Variants in CTNNA3 observed in about 807,000 individuals in gnomAD.
CTNNA3 encodes the protein catenin alpha-3.
A neutral mutation model predicts 95.7 loss-of-function variants in CTNNA3; 76 were observed. That is an observed-to-expected ratio of 0.79 (90% CI 0.66 to 0.96). CTNNA3 has a LOEUF of 0.96. Ranked by LOEUF, CTNNA3 falls within the 40% of genes least tolerant of loss-of-function variation. The pLI, the probability that CTNNA3 is intolerant of heterozygous loss-of-function variation, is 0.00. For synonymous variants in CTNNA3, 431 were observed against 374.4 expected, an observed-to-expected ratio of 1.15 and a Z score of -1.74; for missense variants, 1,191 against 1,089.8, an observed-to-expected ratio of 1.09 and a Z score of -1.31.
intron 3 of CTNNA3, among the ~76,000 whole-genome samples, chr10:67,571,534 G>A (rs536769507): frequency 3.3e-5 from 5 of 152,240 alleles, no homozygotes; most frequent in Non-Finnish European, 5.9e-5. Flanking sequence ...TTCATTACTA[G>A]ATAACTTCTC....
intron 3 of CTNNA3, among the ~76,000 whole-genome samples, chr10:67,551,841 C>T (rs1267421772): frequency 1.3e-5 from 2 of 152,220 alleles, no homozygotes; most frequent in Non-Finnish European, 2.9e-5. Context: ...GAAACTCTCA[C>T]TTCCAAATGC....
At chr10:67,622,166 A>T (rs1843868623) in intron 2 of CTNNA3, among the ~76,000 whole-genome samples, 1 of 152,104 alleles carries the variant, frequency 6.6e-6, no homozygotes, top group Non-Finnish European at 1.5e-5. Flanking sequence ...ATCTGGGGAG[A>T]TATGGACTCT....
intron 6 of CTNNA3, among the ~76,000 whole-genome samples, chr10:67,182,991 G>A (rs1273073941): frequency 3.9e-5 from 6 of 152,074 alleles, no homozygotes; most frequent in South Asian, 4.1e-4. Context: ...ACAATGAGAT[G>A]CCATCTCACA....
At chr10:67,191,450 A>G (rs1435549828) in intron 6 of CTNNA3, among the ~76,000 whole-genome samples, 1 of 152,004 alleles carries the variant, frequency 6.6e-6, no homozygotes, top group Non-Finnish European at 1.5e-5. Context: ...GCATTTCTGT[A>G]TGCTAACAAC....
At chr10:66,655,031 G>C (rs2394267) in intron 9 of CTNNA3, among the ~76,000 whole-genome samples, 2 of 151,796 alleles carry the variant, frequency 1.3e-5, no homozygotes, top group African/African-American at 2.4e-5. Context: ...TGTACAACCC[G>C]GTGAGTGGAG....
intron 3 of CTNNA3, among the ~76,000 whole-genome samples, chr10:67,554,015 T>C (rs1441940669): frequency 6.6e-6 from 1 of 152,198 alleles, no homozygotes; most frequent in Non-Finnish European, 1.5e-5. Context: ...CAGTGTTTGG[T>C]TTTCTGTCCT....
In CTNNA3 at chr10:66,283,127, A is replaced by G. The variant is rs562157812; in HGVS notation, c.1733-2506T>C. Among the ~76,000 whole-genome samples the G allele has an allele frequency of 3.2e-3, 492 of 151,946 alleles. 2 individuals are homozygous for G. Among genetic ancestry groups the G allele is most frequent in the African/African-American group, 0.011 (467 of 41,534 alleles). The stretch of plus-strand genomic sequence containing the variant: ...CTAAGAAAATGTGTCCAGTTATTTC[A>G]CATTTCCTTCAGGTTCTGGAGTAGA... On this transcript the variant is annotated intron_variant, in intron 12 of 17. Transcript: ENST00000433211.
intron 10 of CTNNA3, among the ~76,000 whole-genome samples, chr10:66,611,093 T>C (rs969633529): frequency 1.3e-5 from 2 of 152,040 alleles, no homozygotes; most frequent in African/African-American, 4.8e-5. Context: ...ACTAAAACTG[T>C]GGATCTCATG....
intron 13 of CTNNA3, among the ~76,000 whole-genome samples, chr10:66,201,821 T>A (rs1190094540): frequency 1.5e-5 from 2 of 134,034 alleles, no homozygotes; most frequent in Non-Finnish European, 3.1e-5. Flanking sequence ...AGAGTTTCAC[T>A]CTTGTTGCCC....
chr10:67,564,684 T>TATAA (rs1360606537), intron 3 of CTNNA3, among the ~76,000 whole-genome samples: 19 of 66,524 alleles, frequency 2.9e-4, no homozygotes, highest in Admixed American at 2.5e-3. Context: ...TGTGTATATA[T>TATAA]ATATATATAT....
Position 67,730,018 on chromosome 10 carries a change from T to A in CTNNA3, c.-2+33416A>T, listed in dbSNP as rs552207608. 2.6e-5 allele frequency among the ~76,000 whole-genome samples: 4 copies of A among 152,116 alleles called. No homozygotes were observed. In the South Asian group the frequency reaches 8.3e-4, roughly 31 times the overall value. ...AGGAAAATGTTAGAGTTCTTATGTA[T>A]AAACCAAAAAATAAATAATCCTGAA... On this transcript the variant is annotated intron_variant, in intron 1 of 17. Coordinates refer to the CTNNA3 transcript ENST00000684154.
At chr10:67,544,095 C>T (rs1030017211) in intron 3 of CTNNA3, among the ~76,000 whole-genome samples, 8 of 152,050 alleles carry the variant, frequency 5.3e-5, no homozygotes, top group East Asian at 1.9e-4. Flanking sequence ...TTGGGTGCTA[C>T]GGCAGGGTTA....
At chr10:66,706,323 T>C (rs548277472) in intron 9 of CTNNA3, among the ~76,000 whole-genome samples, 39 of 152,098 alleles carry the variant, frequency 2.6e-4, no homozygotes, top group African/African-American at 9.1e-4. Context: ...TTTCATTCAA[T>C]TAATCTACTC....
At chr10:67,760,589 C>T (rs145838853) in intron 1 of CTNNA3, among the ~76,000 whole-genome samples, 183 of 152,238 alleles carry the variant, frequency 1.2e-3, no homozygotes, top group African/African-American at 4.2e-3. Context: ...CAACTGGTAC[C>T]GGTCCGTGGC....
At chr10:66,052,785 A>T (rs1239958619) in intron 15 of CTNNA3, among the ~76,000 whole-genome samples, 1 of 152,132 alleles carries the variant, frequency 6.6e-6, no homozygotes, top group African/African-American at 2.4e-5. Flanking sequence ...GAGAGTAGTT[A>T]AAATATGGGC....
chr10:66,428,461 C>T (rs1208848222), intron 11 of CTNNA3, among the ~76,000 whole-genome samples: 1 of 152,172 alleles, frequency 6.6e-6, no homozygotes, highest in African/African-American at 2.4e-5. Flanking sequence ...TTCTTTTCAG[C>T]ACCACACCAC....
chr10:66,380,625 CTATA>C (rs57630837), intron 11 of CTNNA3, among the ~76,000 whole-genome samples: 1,951 of 122,862 alleles, frequency 0.016, 34 homozygotes, highest in East Asian at 0.058. Context: ...ATCTATCTAT[CTATA>C]TATATATATA....
At chr10:66,584,939 T>C (rs1457178377) in intron 10 of CTNNA3, among the ~76,000 whole-genome samples, 1 of 152,042 alleles carries the variant, frequency 6.6e-6, no homozygotes, top group Non-Finnish European at 1.5e-5. Flanking sequence ...CCTTTATCTA[T>C]GAAAGAGTTT....
At chr10:67,685,888 G>C (rs1236248181) in intron 1 of CTNNA3, among the ~76,000 whole-genome samples, 1 of 150,754 alleles carries the variant, frequency 6.6e-6, no homozygotes, top group African/African-American at 2.4e-5. Flanking sequence ...CTCTCTCTTT[G>C]ACTCCTTCTT....
Sources: gnomAD v4.1 joint callset for allele counts (sites outside exome capture counted in the v4.1 genomes callset) on GRCh38, gnomAD v4.1.1 for gene constraint, MANE v1.5 for transcripts, NCBI Gene and HGNC (gene_info 2026-07-23, HGNC 2026-07-21) for gene names.